SLC7A1: variants seen among roughly 807,000 people sequenced by gnomAD.
SLC7A1 encodes solute carrier family 7 member 1, also known as high affinity cationic amino acid transporter 1.
SLC7A1 carries 10 observed loss-of-function variants against 53.9 expected under a neutral mutation model. The observed-to-expected ratio is 0.19, with a 90% confidence interval of 0.11 to 0.31. The LOEUF (loss-of-function observed/expected upper bound fraction) is 0.31. Ranked by LOEUF, SLC7A1 falls within the 10% of genes least tolerant of loss-of-function variation. The pLI is 1.00. For synonymous variants in SLC7A1, 342 were observed against 338.7 expected (o/e 1.01, Z -0.11); for missense variants, 525 against 827.2 (o/e 0.63, Z 4.48).
intron 1 of SLC7A1, among the ~76,000 whole-genome samples, chr13:29,561,270 G>C (rs1318031711): frequency 6.6e-6 from 1 of 152,172 alleles, no homozygotes; most frequent in Non-Finnish European, 1.5e-5. Context: ...TATACACACA[G>C]GTGCTCCTTC....
At chr13:29,536,324 G>A (rs1223350305) in intron 2 of SLC7A1, 122 bp from the exon 3 acceptor site, 5 of 1,019,342 alleles carry the variant, frequency 4.9e-6, no homozygotes, top group Middle Eastern at 2.5e-4. Flanking sequence ...CTGCTAAAAC[G>A]CTTTAATTCG....
At chr13:29,517,345 C>CA in intron 10 of SLC7A1, 35 bp from the exon 11 acceptor site, 1 of 1,579,062 alleles carries the variant, frequency 6.3e-7, no homozygotes, top group Non-Finnish European at 8.6e-7. Context: ...AGCTGCAACT[C>CA]AACCATTTCC....
At chr13:29,517,071 C>T (rs374157348) in intron 11 of SLC7A1, 73 bp downstream of exon 11, 12 of 1,435,248 alleles carry the variant, frequency 8.4e-6, no homozygotes, top group East Asian at 7.2e-5. Context: ...GCTGAGCCCA[C>T]GCAGGGCTGG....
Position 29,526,236 on chromosome 13 carries a change from G to A in SLC7A1, c.705-1983C>T, listed in dbSNP as rs916448177. Reference sequence around the variant, plus strand: ...CATGCCCACTATGGGAGGCCGAGGCGGGAGAATCACCTGAGGCCATAAGTT... The same window carrying A: ...CATGCCCACTATGGGAGGCCGAGGCAGGAGAATCACCTGAGGCCATAAGTT... On this transcript the variant is annotated intron_variant, in intron 5 of 12. Transcript: ENST00000380752. Among the ~76,000 whole-genome samples, 10 of 152,286 alleles carry A rather than the reference G, an allele frequency of 6.6e-5. No homozygotes were observed. In the East Asian group the frequency reaches 1.4e-3, roughly 21 times the overall value.
intron 1 of SLC7A1, among the ~76,000 whole-genome samples, chr13:29,559,816 C>A (rs1235694389): frequency 6.6e-6 from 1 of 151,728 alleles, no homozygotes; most frequent in African/African-American, 2.4e-5. Context: ...CCCAGGTTCA[C>A]GCCATTCTCC....
chr13:29,519,354 G>GT, intron 9 of SLC7A1, 93 bp downstream of exon 9: 1 of 746,014 alleles, frequency 1.3e-6, no homozygotes, highest in Non-Finnish European at 2.3e-6. Flanking sequence ...CAACCTAAAA[G>GT]TTTCATTCAT....
At chr13:29,580,887 A>G (rs1871618198) in intron 1 of SLC7A1, among the ~76,000 whole-genome samples, 2 of 151,968 alleles carry the variant, frequency 1.3e-5, no homozygotes, top group African/African-American at 4.8e-5. Flanking sequence ...TCAAAAATTC[A>G]AAAGCTACCC....
chr13:29,571,648 C>A (rs575876198), intron 1 of SLC7A1, among the ~76,000 whole-genome samples: 1 of 152,344 alleles, frequency 6.6e-6, no homozygotes, highest in African/African-American at 2.4e-5. Context: ...AAGGCTTTTG[C>A]TTTACCTATT....
intron 9 of SLC7A1, among the ~76,000 whole-genome samples, chr13:29,518,274 T>G (rs1157240427): frequency 6.6e-6 from 1 of 152,204 alleles, no homozygotes; most frequent in African/African-American, 2.4e-5. Flanking sequence ...GATCAATTTA[T>G]TTTAAAACTC....
At chr13:29,523,598 A>G (rs1009254953) in intron 6 of SLC7A1, 110 bp from the exon 7 acceptor site, 11 of 775,880 alleles carry the variant, frequency 1.4e-5, no homozygotes, top group Non-Finnish European at 2.1e-5. Context: ...ACCCTACGAG[A>G]AACCTCCCTC....
chr13:29,537,254 G>A (rs1297570193), intron 2 of SLC7A1, among the ~76,000 whole-genome samples: 13 of 152,242 alleles, frequency 8.5e-5, no homozygotes, highest in Non-Finnish European at 1.5e-5. Flanking sequence ...GCCAATAACA[G>A]TGACAGTCAT....
intron 1 of SLC7A1, among the ~76,000 whole-genome samples, chr13:29,583,370 C>T (rs1294536040): frequency 6.6e-6 from 1 of 152,210 alleles, no homozygotes; most frequent in Non-Finnish European, 1.5e-5. Context: ...TCCCTGCTCC[C>T]AAGTACCTCC....
At chr13:29,576,466 T>C (rs1871419565) in intron 1 of SLC7A1, among the ~76,000 whole-genome samples, 1 of 152,104 alleles carries the variant, frequency 6.6e-6, no homozygotes, top group Non-Finnish European at 1.5e-5. Context: ...TGTATCACTG[T>C]TTCTCAGGGT....
intron 1 of SLC7A1, among the ~76,000 whole-genome samples, chr13:29,585,581 C>T (rs80264044): frequency 0.023 from 3,517 of 152,230 alleles, 128 homozygotes; most frequent in African/African-American, 0.079. Flanking sequence ...CCGCCATCCT[C>T]GGGAACACCC....
chr13:29,583,276 T>C (rs990502158), intron 1 of SLC7A1, among the ~76,000 whole-genome samples: 2 of 152,192 alleles, frequency 1.3e-5, no homozygotes, highest in Admixed American at 6.5e-5. Flanking sequence ...ACTCAAATGT[T>C]TGAGTCACTG....
chr13:29,557,758 G>C (rs535250158), intron 1 of SLC7A1, among the ~76,000 whole-genome samples: 1 of 110,188 alleles, frequency 9.1e-6, no homozygotes, highest in East Asian at 2.7e-4. Context: ...ATGTGAGGGA[G>C]GAGTGAATAT....
At chr13:29,588,572 CG>C (rs1383767514) in intron 1 of SLC7A1, among the ~76,000 whole-genome samples, 2 of 148,244 alleles carry the variant, frequency 1.3e-5, no homozygotes, top group Non-Finnish European at 3.0e-5. Flanking sequence ...GGTGTGATCT[CG>C]GCTCCCTGCA....
At chr13:29,522,591 G>T in intron 7 of SLC7A1, 135 bp from the exon 8 acceptor site, 1 of 809,966 alleles carries the variant, frequency 1.2e-6, no homozygotes, top group Non-Finnish European at 2.0e-6. Flanking sequence ...TCCACGCTGG[G>T]TGAGGCCTGT....
At chr13:29,592,296 A>C (rs574856959) in intron 1 of SLC7A1, among the ~76,000 whole-genome samples, 20 of 152,312 alleles carry the variant, frequency 1.3e-4, no homozygotes, top group Admixed American at 1.2e-3. Flanking sequence ...AGCCCAATGA[A>C]AGCCACTGGG....
Sources: gnomAD v4.1 joint callset for allele counts (sites outside exome capture counted in the v4.1 genomes callset) on GRCh38, gnomAD v4.1.1 for gene constraint, MANE v1.5 for transcripts, NCBI Gene and HGNC (gene_info 2026-07-23, HGNC 2026-07-21) for gene names.